The following VPS13B variants were observed in gnomAD, a reference collection of about 807,000 sequenced individuals.
The protein encoded by VPS13B is vacuolar protein sorting 13 homolog B, also known as intermembrane lipid transfer protein VPS13B.
A neutral mutation model predicts 426.4 loss-of-function variants in VPS13B; 285 were observed. The ratio of observed to expected loss-of-function variants is 0.67; its 90% CI spans 0.61 to 0.74. The LOEUF (loss-of-function observed/expected upper bound fraction) is 0.74, where lower values mean the gene tolerates loss of function less well. VPS13B is among the 30% of genes least tolerant of loss of function. VPS13B has a pLI of 0.00. For missense variants in VPS13B, 4,537 were observed against 4,782.6 expected (o/e 0.95, Z 1.51); for synonymous variants, 1,676 against 1,676.4 (o/e 1.00, Z 0.01).
chr8:99,069,044 A>C (rs1038684452), intron 3 of VPS13B, among the ~76,000 whole-genome samples: 2 of 152,162 alleles, frequency 1.3e-5, no homozygotes, highest in African/African-American at 2.4e-5. Flanking sequence ...ATAATTTAAA[A>C]ATTATATATA....
intron 5 of VPS13B, among the ~76,000 whole-genome samples, chr8:99,106,006 T>G (rs1378698863): frequency 6.6e-6 from 1 of 152,208 alleles, no homozygotes; most frequent in African/African-American, 2.4e-5. Context: ...GTTACATATT[T>G]TATATTAATT....
chr8:99,744,812 G>T (rs1425093440), intron 39 of VPS13B, among the ~76,000 whole-genome samples: 1 of 150,590 alleles, frequency 6.6e-6, no homozygotes, highest in Non-Finnish European at 1.5e-5. Context: ...ACACACCGGG[G>T]CCTGTTGTGG....
intron 3 of VPS13B, among the ~76,000 whole-genome samples, chr8:99,058,641 T>C (rs1844015322): frequency 6.6e-6 from 1 of 152,180 alleles, no homozygotes; most frequent in African/African-American, 2.4e-5. Context: ...GAAGTTGACT[T>C]TTTTCACAGT....
At chr8:99,304,910 C>T (rs760881449) in intron 19 of VPS13B, among the ~76,000 whole-genome samples, 1 of 152,042 alleles carries the variant, frequency 6.6e-6, no homozygotes, top group African/African-American at 2.4e-5. Flanking sequence ...GTTCAGACTT[C>T]TTAGCAGGAC....
intron 19 of VPS13B, among the ~76,000 whole-genome samples, chr8:99,285,702 T>C (rs1220998676): frequency 6.6e-6 from 1 of 152,162 alleles, no homozygotes; most frequent in Non-Finnish European, 1.5e-5. Flanking sequence ...GATTTTGAAG[T>C]TGGCTGTATA....
chr8:99,561,041 C>T (rs531871665), intron 31 of VPS13B, among the ~76,000 whole-genome samples: 2 of 152,262 alleles, frequency 1.3e-5, no homozygotes, highest in East Asian at 1.9e-4. Flanking sequence ...GATAAATTCA[C>T]ATAACATAAA....
intron 54 of VPS13B, among the ~76,000 whole-genome samples, chr8:99,839,898 G>A (rs927273682): frequency 6.6e-6 from 1 of 152,160 alleles, no homozygotes; most frequent in Admixed American, 6.5e-5. Flanking sequence ...ATTCATCTTT[G>A]TTTTGCCCTC....
chr8:99,302,660 C>T (rs1410932393), intron 19 of VPS13B, among the ~76,000 whole-genome samples: 7 of 152,092 alleles, frequency 4.6e-5, no homozygotes, highest in Non-Finnish European at 8.8e-5. Flanking sequence ...CAGGGTATGC[C>T]ACCACACCCA....
chr8:99,081,066 A>G (rs1176992773), intron 3 of VPS13B, among the ~76,000 whole-genome samples: 3 of 152,180 alleles, frequency 2.0e-5, no homozygotes. Flanking sequence ...CTTTATACAT[A>G]ACTTCATGTT....
intron 3 of VPS13B, among the ~76,000 whole-genome samples, chr8:99,061,388 T>C (rs983340233): frequency 2.6e-5 from 4 of 151,760 alleles, no homozygotes; most frequent in Non-Finnish European, 5.9e-5. Context: ...ACTGAGACTT[T>C]AGTTTTTCTA....
At chr8:99,269,676 G>A (rs1473516868) in intron 17 of VPS13B, among the ~76,000 whole-genome samples, 1 of 152,094 alleles carries the variant, frequency 6.6e-6, no homozygotes, top group African/African-American at 2.4e-5. Flanking sequence ...TCACCACATT[G>A]CTTCCCTAAT....
At position 99,756,369 on chromosome 8, in the gene VPS13B, C is replaced by T. The variant is rs539533737; in HGVS notation, c.7051-10405C>T. On this transcript the variant is annotated intron_variant, in intron 39 of 61. Transcript: ENST00000357162. Reference sequence around the variant, plus strand: ...CAGAGCTTCAGAGATCTGTGACACACCATCAAGTGTACCAATATATGCATA... The same window carrying T: ...CAGAGCTTCAGAGATCTGTGACACATCATCAAGTGTACCAATATATGCATA... Among the ~76,000 whole-genome samples the T allele has an allele frequency of 1.2e-4, 19 of 152,146 alleles. No homozygotes were observed. The South Asian group carries it at 3.3e-3, about 27-fold the overall frequency.
chr8:99,848,754 AT>A, intron 54 of VPS13B, 21 bp from the exon 55 acceptor site: 1 of 1,609,742 alleles, frequency 6.2e-7, no homozygotes, highest in Non-Finnish European at 8.5e-7. Flanking sequence ...TTTTAATCAG[AT>A]TTTGAATATT....
chr8:99,368,791 G>A (rs1443697635), intron 19 of VPS13B, among the ~76,000 whole-genome samples: 2 of 151,922 alleles, frequency 1.3e-5, no homozygotes, highest in Non-Finnish European at 2.9e-5. Context: ...TTTTCCCCAG[G>A]TGTATTTAAG....
chr8:99,464,488 GATTTGTATA>G (rs1160501950), intron 23 of VPS13B, among the ~76,000 whole-genome samples: 1 of 151,990 alleles, frequency 6.6e-6, no homozygotes, highest in African/African-American at 2.4e-5. Context: ...CTGTGATAAG[GATTTGTATA>G]AATAGTCATT....
chr8:99,798,441 G>A (rs1466268334), intron 43 of VPS13B, among the ~76,000 whole-genome samples: 1 of 152,090 alleles, frequency 6.6e-6, no homozygotes, highest in African/African-American at 2.4e-5. Context: ...TTAGGGTTGA[G>A]TTTTCCTTTT....
At chr8:99,684,431 C>G (rs770094412) in intron 35 of VPS13B, among the ~76,000 whole-genome samples, 7 of 152,182 alleles carry the variant, frequency 4.6e-5, no homozygotes, top group Non-Finnish European at 1.0e-4. Flanking sequence ...GACTCCTTCA[C>G]ACTCCTTGAA....
intron 8 of VPS13B, among the ~76,000 whole-genome samples, chr8:99,123,412 A>G (rs749242447): frequency 1.3e-5 from 2 of 152,176 alleles, no homozygotes; most frequent in Non-Finnish European, 2.9e-5. Flanking sequence ...GGTATGAAAG[A>G]TAAGAGGGGT....
At chr8:99,595,953 A>G (rs72674670) in intron 33 of VPS13B, among the ~76,000 whole-genome samples, 66 of 152,074 alleles carry the variant, frequency 4.3e-4, no homozygotes, top group Non-Finnish European at 8.1e-4. Flanking sequence ...AATCAAAGCC[A>G]CAAGAAAACA....
Sources: gnomAD v4.1 joint callset for allele counts (sites outside exome capture counted in the v4.1 genomes callset) on GRCh38, gnomAD v4.1.1 for gene constraint, MANE v1.5 for transcripts, NCBI Gene and HGNC (gene_info 2026-07-23, HGNC 2026-07-21) for gene names.